The following IARS1 variants were observed in gnomAD, a reference collection of about 807,000 sequenced individuals.
IARS1 encodes the protein isoleucyl-tRNA synthetase 1, also known as isoleucine--tRNA ligase, cytoplasmic.
Under a neutral mutation model 168.2 loss-of-function variants are expected in IARS1, and 124 were observed. The ratio of observed to expected loss-of-function variants is 0.74; its 90% CI spans 0.64 to 0.86. IARS1 has a LOEUF of 0.86. IARS1 is among the 40% of genes least tolerant of loss of function. The pLI, the probability that IARS1 is intolerant of heterozygous loss-of-function variation, is 0.00. For missense variants in IARS1, 1,452 were observed against 1,515.8 expected (o/e 0.96, Z 0.70); for synonymous variants, 532 against 529.4 (o/e 1.00, Z -0.07).
At position 92,285,754 on chromosome 9, in the gene IARS1, G is replaced by A. The variant is rs751769443; in HGVS notation, c.565C>T (p.Leu189Phe). 1 of 1,611,122 alleles carries A rather than the reference G, an allele frequency of 6.2e-7. No homozygotes were observed. The change falls in exon 6 of 34, where the codon CTT becomes TTT. Residue 189 changes from leucine (L) to phenylalanine (F), a missense_variant. Leu to Phe is a conservative substitution (Grantham distance 22). Coordinates refer to ENST00000443024, the MANE Select transcript of IARS1 (RefSeq NM_002161.6). Reference sequence around the variant, plus strand: ...TTCTGGTGTGACTCGAAGTTGGAAAGTGGAGTGTTACATGCCGTAGAGAAG... The same window carrying A: ...TTCTGGTGTGACTCGAAGTTGGAAAATGGAGTGTTACATGCCGTAGAGAAG... The part of the protein sequence containing the change: ...MPFSTACNTP[L>F]SNFESHQNYK...
At chr9:92,221,418 A>G (rs1410693850) in intron 33 of IARS1, among the ~76,000 whole-genome samples, 1 of 152,240 alleles carries the variant, frequency 6.6e-6, no homozygotes, top group African/African-American at 2.4e-5. Context: ...ATGGGATGGT[A>G]AAAGTCTTGA....
At chr9:92,270,407 C>CT (rs1832854405) in intron 12 of IARS1, among the ~76,000 whole-genome samples, 1 of 152,078 alleles carries the variant, frequency 6.6e-6, no homozygotes, top group African/African-American at 2.4e-5. Flanking sequence ...TGCTTCTCAT[C>CT]CTAAAAAAAA....
In IARS1 at chr9:92,289,428, T is replaced by A; in HGVS notation, c.-7-2A>T. On this transcript the variant is annotated splice_acceptor_variant, in intron 1 of 33. Transcript: ENST00000443024. LOFTEE classifies it low-confidence loss of function (5UTR_SPLICE). ...GGAACTTGTTGAAGCATTTTGTTGC[T>A]GCAAAAGAAATCAAATTTATTACTG... The A allele has an allele frequency of 7.9e-7, 1 of 1,261,928 alleles. No individual in the cohort carries two copies. The highest frequency in any genetic ancestry group is 1.2e-6 in the Non-Finnish European group (1 of 863,428). 78.2% of individuals were successfully genotyped at this position (1,261,928 alleles called of 1,614,324 possible). A position where few individuals can be genotyped will look rare whatever the true frequency, so the allele number is the denominator to read the frequency against.
At chr9:92,239,585 G>A (rs1828058134) in intron 30 of IARS1, among the ~76,000 whole-genome samples, 1 of 152,180 alleles carries the variant, frequency 6.6e-6, no homozygotes, top group South Asian at 2.1e-4. Context: ...GGAGTTGCTC[G>A]TGGTGTGTGG....
chr9:92,272,510 C>T (rs1178347424), intron 10 of IARS1, among the ~76,000 whole-genome samples: 1 of 152,234 alleles, frequency 6.6e-6, no homozygotes, highest in Non-Finnish European at 1.5e-5. Flanking sequence ...AGATCAAACA[C>T]TACCCTTGCC....
rs189779098 is a variant in IARS1 at position 92,271,789 on chromosome 9, G to T, written c.991-134C>A. ...ATCAACTTTGTCCTGTAAACTGAAG[G>T]TAACTCAAGACCATTCGGAGAATCA... On this transcript the variant is annotated intron_variant, in intron 10 of 33. Transcript: ENST00000443024. The T allele has an allele frequency of 6.8e-4, 661 of 977,416 alleles. 2 individuals are homozygous for T. The highest frequency in any genetic ancestry group is 1.5e-3 in the Middle Eastern group (6 of 4,022). The allele number at this position is 977,416 out of a possible 1,614,324, so 60.5% of individuals were successfully genotyped here. A position where few individuals can be genotyped will look rare whatever the true frequency, so the allele number is the denominator to read the frequency against.
chr9:92,286,591 T>A lies in IARS1; in HGVS notation c.424A>T (p.Ile142Phe). ...GTTTTATAGTCATTGTCAAAGTCAA[T>A]CCATCGGCCAAGTCTGCTAACAGTA... ...KSTVSRLGRW[I>F]DFDNDYKTLY... The change falls in exon 5 of 34, where the codon ATT becomes TTT. Residue 142 changes from isoleucine to phenylalanine, a missense_variant. Ile to Phe is a conservative substitution (Grantham distance 21, BLOSUM62 0). Transcript: ENST00000443024. The A allele has an allele frequency of 6.3e-7, 1 of 1,595,630 alleles. No individual in the cohort carries two copies. Among genetic ancestry groups the A allele is most frequent in the Non-Finnish European group, 8.6e-7 (1 of 1,163,336 alleles).
At chr9:92,268,099 T>C (rs1461040536) in intron 14 of IARS1, 75 bp downstream of exon 14, 1 of 1,470,578 alleles carries the variant, frequency 6.8e-7, no homozygotes, top group Non-Finnish European at 9.0e-7. Context: ...ACCCTATTCT[T>C]TTAAACCACA....
intron 26 of IARS1, 51 bp downstream of exon 26, chr9:92,247,326 A>C: frequency 1.3e-6 from 2 of 1,531,038 alleles, no homozygotes; most frequent in Non-Finnish European, 8.9e-7. Flanking sequence ...CCTAAAAAGT[A>C]TCCCTCAGAC....
intron 19 of IARS1, among the ~76,000 whole-genome samples, chr9:92,257,438 G>A (rs1240819334): frequency 6.6e-6 from 1 of 152,220 alleles, no homozygotes; most frequent in East Asian, 1.9e-4. Context: ...GCTGTGGGGA[G>A]CTTTGACCCC....
intron 30 of IARS1, among the ~76,000 whole-genome samples, chr9:92,238,016 CTG>C (rs1268550416): frequency 6.6e-6 from 1 of 152,156 alleles, no homozygotes; most frequent in Non-Finnish European, 1.5e-5. Context: ...AGCGATTCTC[CTG>C]TCTCAGCCTC....
At chr9:92,218,075 C>G (rs2133360010) in intron 33 of IARS1, among the ~76,000 whole-genome samples, 1 of 152,200 alleles carries the variant, frequency 6.6e-6, no homozygotes, top group Admixed American at 6.5e-5. Flanking sequence ...GCTTATCCAC[C>G]ATGATCAAGT....
chr9:92,286,277 G>C (rs2133980963), intron 5 of IARS1: 1 of 338,686 alleles, frequency 3.0e-6, no homozygotes, highest in African/African-American at 2.1e-5. Flanking sequence ...TGAAGCAAGA[G>C]AATCGCTTGA....
chr9:92,229,502 ATTC>A (rs1307068689), intron 30 of IARS1, among the ~76,000 whole-genome samples: 2 of 152,034 alleles, frequency 1.3e-5, no homozygotes, highest in Admixed American at 1.3e-4. Flanking sequence ...TGTATTCATG[ATTC>A]TTATTTATGA....
At position 92,245,057 on chromosome 9, in the gene IARS1, C is replaced by T. The variant is rs777337953; in HGVS notation, c.2806G>A (p.Glu936Lys). The part of the protein sequence containing the change: ...QFQKTGTIVV[E>K]GHELHDEDIR... ...TCTTCATCGTGCAATTCATGGCCTTCCACAACAATGGTCCCTATGGAGAAG... is the reference window on the plus strand; with the variant it reads ...TCTTCATCGTGCAATTCATGGCCTTTCACAACAATGGTCCCTATGGAGAAG... The change falls in exon 27 of 34, where the codon GAA becomes AAA. Residue 936 changes from glutamate (E) to lysine (K), a missense_variant. Physicochemically the swap from Glu to Lys is moderately conservative, Grantham distance 56 (BLOSUM62 1). Transcript: ENST00000443024. 2 of 1,614,102 alleles carry T rather than the reference C, an allele frequency of 1.2e-6. No individual in the cohort carries two copies. Among genetic ancestry groups the T allele is most frequent in the East Asian group, 4.5e-5 (2 of 44,882 alleles).
chr9:92,250,440 T>A, intron 23 of IARS1, 151 bp from the exon 24 acceptor site: 1 of 660,770 alleles, frequency 1.5e-6, no homozygotes, highest in East Asian at 2.7e-5. Context: ...GCGCAGTGCC[T>A]ACCACTCAGC....
In IARS1 at chr9:92,262,982, G is replaced by C. The variant is rs1831745596; in HGVS notation, c.1774C>G (p.Leu592Val). ...PPFKNVIVNG[L>V]VLASDGQKMS... ...AAGTTGACCTACCTTGCCAGGACAA[G>C]CCCATTCACAATTACGTTCTTGAAA... The change falls in exon 17 of 34, where the codon CTT becomes GTT. Residue 592 changes from leucine to valine, a missense_variant. Leu to Val is a conservative substitution (Grantham distance 32, BLOSUM62 1). Coordinates refer to ENST00000443024, the MANE Select transcript of IARS1 (RefSeq NM_002161.6). 1.2e-6 allele frequency: 2 copies of C among 1,613,462 alleles called. No individual in the cohort carries two copies. Among genetic ancestry groups the C allele is most frequent in the Non-Finnish European group, 1.7e-6 (2 of 1,179,458 alleles).
Position 92,280,827 on chromosome 9 carries a change from C to T in IARS1, c.664G>A (p.Ala222Thr). The change falls in exon 7 of 34, where the codon GCT (alanine) becomes ACT (threonine). Residue 222 changes from alanine to threonine, a missense_variant. Ala to Thr is a moderately conservative substitution (Grantham distance 58). Coordinates refer to ENST00000443024, the MANE Select transcript of IARS1 (RefSeq NM_002161.6). ...LEEDETVSLV[A>T]WTTTPWTLPS... ...AGAGTCCAGGGAGTGGTTGTCCAAG[C>T]AACTAAAGATACAGTTTCATCTTCT... 1 of 1,610,176 alleles carries T rather than the reference C, an allele frequency of 6.2e-7. No individual in the cohort carries two copies. Among genetic ancestry groups the T allele is most frequent in the Non-Finnish European group, 8.5e-7 (1 of 1,176,610 alleles).
intron 17 of IARS1, 119 bp from the exon 18 acceptor site, chr9:92,260,353 A>C: frequency 2.6e-6 from 2 of 779,236 alleles, no homozygotes; most frequent in Non-Finnish European, 4.5e-6. Context: ...GGAGTAACTT[A>C]GATAGAAGTT....
Sources: gnomAD v4.1 joint callset for allele counts (sites outside exome capture counted in the v4.1 genomes callset) on GRCh38, gnomAD v4.1.1 for gene constraint, MANE v1.5 for transcripts, NCBI Gene and HGNC (gene_info 2026-07-23, HGNC 2026-07-21) for gene names.